Variants in SLC25A46 observed in about 807,000 individuals in gnomAD.
SLC25A46 encodes the protein solute carrier family 25 member 46, also known as mitochondrial outer membrane protein SLC25A46.
In SLC25A46, 39 loss-of-function variants were observed where a neutral mutation model predicts 44.6. The observed-to-expected ratio is 0.87, with a 90% CI of 0.68 to 1.14. The LOEUF is 1.14. Among genes scored for constraint, SLC25A46 ranks in the 50% most tolerant of loss-of-function variants. SLC25A46 has a pLI of 0.00. For synonymous variants in SLC25A46, 202 were observed against 185.8 expected, an observed-to-expected ratio of 1.09 and a Z score of -0.71; for missense variants, 547 against 522.7, an observed-to-expected ratio of 1.05 and a Z score of -0.45.
intron 7 of SLC25A46, among the ~76,000 whole-genome samples, chr5:110,757,640 T>C (rs901630157): frequency 6.6e-6 from 1 of 152,120 alleles, no homozygotes; most frequent in East Asian, 1.9e-4. Flanking sequence ...TTAACTGAAG[T>C]TAGTGTCTTG....
At chr5:110,739,715 C>T (rs191244482) in intron 1 of SLC25A46, among the ~76,000 whole-genome samples, 32 of 152,302 alleles carry the variant, frequency 2.1e-4, no homozygotes, top group African/African-American at 7.0e-4. Context: ...TAACTGTTCC[C>T]TGATTCACTT....
At chr5:110,759,284 G>A (rs1800187263) in intron 7 of SLC25A46, among the ~76,000 whole-genome samples, 1 of 152,092 alleles carries the variant, frequency 6.6e-6, no homozygotes, top group Admixed American at 6.6e-5. Context: ...TTTTTAAGAA[G>A]ATAAGTAAAG....
Position 110,755,524 on chromosome 5 carries a change from A to G in SLC25A46, c.620+3A>G. ...GGAGAACACCTTCTACTGAAATCGT[A>G]AGTATCAAAAAATGGCATTTTTATT... On this transcript the variant is annotated splice_donor_region_variant and intron_variant, in intron 6 of 7. Coordinates refer to ENST00000355943, the MANE Select transcript of SLC25A46 (RefSeq NM_138773.4). 6.4e-7 allele frequency: 1 copy of G among 1,563,288 alleles called. No individual in the cohort carries two copies.
chr5:110,760,206 T>C (rs1800215191), intron 7 of SLC25A46, among the ~76,000 whole-genome samples: 1 of 152,118 alleles, frequency 6.6e-6, no homozygotes, highest in South Asian at 2.1e-4. Flanking sequence ...TTCTCTTGCA[T>C]ACCCCAAATG....
At chr5:110,759,444 G>A (rs561493793) in intron 7 of SLC25A46, among the ~76,000 whole-genome samples, 3 of 152,216 alleles carry the variant, frequency 2.0e-5, no homozygotes, top group East Asian at 1.9e-4. Flanking sequence ...GAAGGATGCC[G>A]ATGTGGCTGG....
intron 5 of SLC25A46, among the ~76,000 whole-genome samples, chr5:110,749,320 T>C (rs1799899605): frequency 6.6e-6 from 1 of 151,062 alleles, no homozygotes; most frequent in African/African-American, 2.4e-5. Flanking sequence ...GTTGGAACCA[T>C]GGATCAGAGT....
chr5:110,753,453 G>A (rs1800023312), intron 5 of SLC25A46: 2 of 151,968 alleles, frequency 1.3e-5, no homozygotes, highest in African/African-American at 4.8e-5. Context: ...AAACTAGACT[G>A]TTTTGAGAAA....
chr5:110,757,855 C>G (rs948061372), intron 7 of SLC25A46, among the ~76,000 whole-genome samples: 10 of 152,072 alleles, frequency 6.6e-5, no homozygotes, highest in Non-Finnish European at 1.3e-4. Flanking sequence ...CAATTTTTAG[C>G]TTGAGACAGA....
chr5:110,761,108 CTA>C lies in SLC25A46; in HGVS notation c.679-94_679-93del. On this transcript the variant is annotated intron_variant, in intron 7 of 7. Coordinates refer to ENST00000355943, the MANE Select transcript of SLC25A46 (RefSeq NM_138773.4). This position sits in a 1 kb window ranked among gnomAD's most constrained non-coding sequence, Gnocchi z 5.3. ...TCATGGATGTTTCCCTCTTCAGTCA[CTA>C]TGTTAGGATTTAAAAGGAACCTAAA... The C allele has an allele frequency of 1.1e-6, 1 of 885,702 alleles. No homozygotes were observed. Among genetic ancestry groups the C allele is most frequent in the South Asian group, 1.7e-5 (1 of 59,366 alleles). The allele number at this position is 885,702 out of a possible 1,614,324, so 54.9% of individuals were successfully genotyped here. A position where few individuals can be genotyped will look rare whatever the true frequency, so the allele number is the denominator to read the frequency against.
Position 110,763,604 on chromosome 5 carries a change from A to G in SLC25A46, c.*1822A>G, listed in dbSNP as rs1334285058. ...AATTTCAAGTTTGAAAAATTTCTAGAAAAGAATCTGAATAGAATCAAGTAT... is the reference window on the plus strand; with the variant it reads ...AATTTCAAGTTTGAAAAATTTCTAGGAAAGAATCTGAATAGAATCAAGTAT... On this transcript the variant is annotated 3_prime_UTR_variant, in exon 8 of 8. Coordinates refer to ENST00000355943, the MANE Select transcript of SLC25A46 (RefSeq NM_138773.4). 4 of 151,928 alleles carry G rather than the reference A, an allele frequency of 2.6e-5. No individual in the cohort carries two copies. Among genetic ancestry groups the G allele is most frequent in the Non-Finnish European group, 4.4e-5 (3 of 67,870 alleles). 9.4% of individuals were successfully genotyped at this position (151,928 alleles called of 1,614,324 possible).
At chr5:110,742,558 T>C (rs1471987145) in intron 2 of SLC25A46, among the ~76,000 whole-genome samples, 1 of 152,086 alleles carries the variant, frequency 6.6e-6, no homozygotes, top group Non-Finnish European at 1.5e-5. Flanking sequence ...GTGATCTAGT[T>C]TCATTTTATA....
At chr5:110,746,821 A>G (rs1229092991) in intron 4 of SLC25A46, among the ~76,000 whole-genome samples, 1 of 152,184 alleles carries the variant, frequency 6.6e-6, no homozygotes, top group African/African-American at 2.4e-5. Context: ...TTTTTAAAGT[A>G]GACGTGTGAA....
At chr5:110,741,241 G>GA (rs1190050875) in intron 1 of SLC25A46, among the ~76,000 whole-genome samples, 1 of 152,210 alleles carries the variant, frequency 6.6e-6, no homozygotes, top group African/African-American at 2.4e-5. Flanking sequence ...TAGTCAAGAA[G>GA]AAAGGCTTTT....
chr5:110,747,820 A>G (rs1453074739), intron 4 of SLC25A46, among the ~76,000 whole-genome samples: 2 of 152,138 alleles, frequency 1.3e-5, no homozygotes, highest in Non-Finnish European at 2.9e-5. Context: ...GAAGGAAAGA[A>G]TTGGTGTGGT....
chr5:110,743,868 A>G (rs1799749837), intron 3 of SLC25A46, 81 bp downstream of exon 3: 1 of 1,089,728 alleles, frequency 9.2e-7, no homozygotes, highest in South Asian at 1.6e-5. Context: ...ATGACATGAA[A>G]CCAGGTAATT....
chr5:110,741,267 C>T (rs1799683453), intron 1 of SLC25A46, among the ~76,000 whole-genome samples: 1 of 152,166 alleles, frequency 6.6e-6, no homozygotes, highest in Non-Finnish European at 1.5e-5. Flanking sequence ...TTGACATATG[C>T]ATAGGAATGT....
upstream of SLC25A46, chr5:110,738,212 G>A: frequency 7.8e-7 from 1 of 1,286,900 alleles, no homozygotes; most frequent in Non-Finnish European, 1.0e-6. Context: ...TGGGGAGGGA[G>A]CCTGGCCCAA....
At chr5:110,746,211 T>C (rs1376106126) in intron 3 of SLC25A46, 58 bp from the exon 4 acceptor site, 4 of 1,293,866 alleles carry the variant, frequency 3.1e-6, no homozygotes, top group Non-Finnish European at 4.3e-6. Context: ...CTTTCATGGC[T>C]CTGTTATTTC....
chr5:110,747,853 A>G (rs967544822), intron 4 of SLC25A46, among the ~76,000 whole-genome samples: 5 of 152,166 alleles, frequency 3.3e-5, no homozygotes, highest in African/African-American at 1.2e-4. Context: ...GATTGGGTTA[A>G]GTTGTGGATA....
Sources: gnomAD v4.1 joint callset for allele counts (sites outside exome capture counted in the v4.1 genomes callset) on GRCh38, gnomAD v4.1.1 for gene constraint, Gnocchi (gnomAD v3.1) non-coding constraint, MANE v1.5 for transcripts, NCBI Gene and HGNC (gene_info 2026-07-23, HGNC 2026-07-21) for gene names.